RAP1B: variants seen among roughly 807,000 people sequenced by gnomAD.
The protein encoded by RAP1B is RAP1B, member of RAS oncogene family.
A neutral mutation model predicts 27.5 loss-of-function variants in RAP1B; 1 was observed. The observed-to-expected ratio is 0.04, with a 90% CI of 0.01 to 0.17. RAP1B has a LOEUF of 0.17. RAP1B is among the 10% of genes least tolerant of loss of function. The pLI, the probability that RAP1B is intolerant of heterozygous loss-of-function variation, is 1.00. For missense variants in RAP1B, 84 were observed against 214.8 expected, an observed-to-expected ratio of 0.39 and a Z score of 3.81; for synonymous variants, 75 against 73.1, an observed-to-expected ratio of 1.03 and a Z score of -0.13.
intron 1 of RAP1B, among the ~76,000 whole-genome samples, chr12:68,632,758 A>C (rs1177513111): frequency 6.6e-6 from 1 of 152,160 alleles, no homozygotes; most frequent in Non-Finnish European, 1.5e-5. Flanking sequence ...AAGATATAAG[A>C]TACTTAACTC....
In RAP1B at chr12:68,657,172, A is replaced by G; in HGVS notation, c.540A>G (p.Ser180=). ...PVPGKARKKS[S]CQLL ...CTGGGAAGGCTCGCAAAAAGTCATC[A>G]TGTCAGCTGCTTTAATATACTAAAT... The change falls in exon 7 of 8, where the codon TCA becomes TCG. Residue 180 remains serine (S), a synonymous_variant. Coordinates refer to ENST00000250559, the MANE Select transcript of RAP1B (RefSeq NM_001010942.3). The G allele has an allele frequency of 6.2e-7, 1 of 1,610,786 alleles. No homozygotes were observed. The highest frequency in any genetic ancestry group is 8.5e-7 in the Non-Finnish European group (1 of 1,177,004).
chr12:68,632,173 G>T, intron 1 of RAP1B, among the ~76,000 whole-genome samples: 1 of 132,328 alleles, frequency 7.6e-6, no homozygotes, highest in Non-Finnish European at 1.5e-5. Flanking sequence ...AGACTGTTTG[G>T]CTGTCACCCA....
Position 68,656,334 on chromosome 12 carries a change from G to C in RAP1B, c.353G>C (p.Cys118Ser), listed in dbSNP as rs1186338026. The part of the protein sequence containing the change: ...DVPMILVGNK[C>S]DLEDERVVGK... ...CCAATGATTCTTGTTGGTAATAAGT[G>C]TGACTTGGAAGATGAAAGAGTTGTA... The change falls in exon 6 of 8, where the codon TGT (cysteine) becomes TCT (serine). Residue 118 changes from cysteine (C) to serine (S), a missense_variant. Coordinates refer to ENST00000250559, the MANE Select transcript of RAP1B (RefSeq NM_001010942.3). The C allele has an allele frequency of 6.2e-7, 1 of 1,606,828 alleles. No homozygotes were observed. Among genetic ancestry groups the C allele is most frequent in the East Asian group, 2.2e-5 (1 of 44,726 alleles).
chr12:68,617,073 C>G (rs542288257), intron 1 of RAP1B, among the ~76,000 whole-genome samples: 4 of 152,102 alleles, frequency 2.6e-5, no homozygotes, highest in Non-Finnish European at 5.9e-5. Flanking sequence ...TTATAATTAT[C>G]TGTGTATTCT....
chr12:68,613,055 C>T (rs1870718834), intron 1 of RAP1B, among the ~76,000 whole-genome samples: 1 of 152,040 alleles, frequency 6.6e-6, no homozygotes, highest in Non-Finnish European at 1.5e-5. Context: ...TTGTATGGGG[C>T]ATGAAAATGA....
At chr12:68,623,901 G>C (rs1373478012) in intron 1 of RAP1B, among the ~76,000 whole-genome samples, 1 of 152,126 alleles carries the variant, frequency 6.6e-6, no homozygotes. Flanking sequence ...CACGCCAGTA[G>C]TCCCAGCTAC....
chr12:68,654,488 C>T (rs1338398142), intron 5 of RAP1B, among the ~76,000 whole-genome samples: 1 of 151,292 alleles, frequency 6.6e-6, no homozygotes, highest in Non-Finnish European at 1.5e-5. Context: ...ATGTTACACC[C>T]TTCCTTTTTT....
chr12:68,642,594 A>C (rs189127386), intron 1 of RAP1B: 9 of 1,030,494 alleles, frequency 8.7e-6, no homozygotes, highest in Non-Finnish European at 1.4e-5. Context: ...GCTTCGTTCA[A>C]GTCCTCAGTG....
chr12:68,648,766 T>G lies in RAP1B; in HGVS notation c.42T>G (p.Val14=), dbSNP rs1473389922. 3 of 1,612,092 alleles carry G rather than the reference T, an allele frequency of 1.9e-6. No homozygotes were observed. Among genetic ancestry groups the G allele is most frequent in the Non-Finnish European group, 2.5e-6 (3 of 1,179,540 alleles). ...TAGTCGTTCTTGGCTCAGGAGGCGT[T>G]GGAAAGTCTGCTTTGGTAAGTCATT... The part of the protein sequence containing the change: ...YKLVVLGSGG[V]GKSALTVQFV... Residue 14 remains valine (V), a synonymous_variant, in exon 2 of 8, where the codon GTT becomes GTG. Transcript: ENST00000250559.
intron 1 of RAP1B, among the ~76,000 whole-genome samples, chr12:68,646,446 C>T (rs1001987239): frequency 6.6e-6 from 1 of 152,112 alleles, no homozygotes; most frequent in Non-Finnish European, 1.5e-5. Flanking sequence ...CATGTGCCCA[C>T]CACCATGCCC....
chr12:68,654,357 G>GT lies in RAP1B; in HGVS notation c.324+105_324+106insT, dbSNP rs984753412. The GT allele has an allele frequency of 5.5e-5, 25 of 451,506 alleles. 5 individuals carry two copies. Among genetic ancestry groups the GT allele is most frequent in the Middle Eastern group, 8.9e-4 (2 of 2,250 alleles). The allele number at this position is 451,506 out of a possible 1,614,324, so 28.0% of individuals were successfully genotyped here. A position where few individuals can be genotyped will look rare whatever the true frequency, so the allele number is the denominator to read the frequency against. On this transcript the variant is annotated intron_variant, in intron 5 of 7. Transcript: ENST00000250559. ...AAAGCTTGTGTATTTTGGTTGGGGG[G>GT]GGGGTGTTGGTTTTTTTAAACTTTT...
intron 4 of RAP1B, among the ~76,000 whole-genome samples, 158 bp downstream of exon 4, chr12:68,652,209 G>T (rs1592464342): frequency 1.3e-5 from 2 of 152,314 alleles, no homozygotes; most frequent in South Asian, 2.1e-4. Flanking sequence ...ACTTCGGGAG[G>T]TCAAGGTTGC....
rs146186863 is a variant in RAP1B at position 68,666,299 on chromosome 12, T to G, written c.*7050T>G. On this transcript the variant is annotated 3_prime_UTR_variant, in exon 8 of 8. Coordinates refer to ENST00000250559, the MANE Select transcript of RAP1B (RefSeq NM_001010942.3). ...TCTTCTTTTTAATTGGATTCTCGTATGTTGATCTATTTCTATTGTTTTCTA... is the reference window on the plus strand; with the variant it reads ...TCTTCTTTTTAATTGGATTCTCGTAGGTTGATCTATTTCTATTGTTTTCTA... 18 of 152,384 alleles carry G rather than the reference T, an allele frequency of 1.2e-4. No individual in the cohort carries two copies. In the East Asian group the frequency reaches 3.5e-3, roughly 29 times the overall value. The allele number at this position is 152,384 out of a possible 1,614,324, so 9.4% of individuals were successfully genotyped here. A position where few individuals can be genotyped will look rare whatever the true frequency, so the allele number is the denominator to read the frequency against.
Position 68,664,964 on chromosome 12 carries a change from A to G in RAP1B, c.*5715A>G. On this transcript the variant is annotated 3_prime_UTR_variant, in exon 8 of 8. Coordinates refer to ENST00000250559, the MANE Select transcript of RAP1B (RefSeq NM_001010942.3). ...AGGTCAATGTCAGATTTCCTGAGCAAATCAACCAATAATGAAAAACTATGT... is the reference window on the plus strand; with the variant it reads ...AGGTCAATGTCAGATTTCCTGAGCAGATCAACCAATAATGAAAAACTATGT... The G allele has an allele frequency of 6.6e-6, 1 of 152,172 alleles. No homozygotes were observed. Among genetic ancestry groups the G allele is most frequent in the East Asian group, 1.9e-4 (1 of 5,190 alleles). 9.4% of individuals were successfully genotyped at this position (152,172 alleles called of 1,614,324 possible). A position where few individuals can be genotyped will look rare whatever the true frequency, so the allele number is the denominator to read the frequency against.
intron 1 of RAP1B, among the ~76,000 whole-genome samples, chr12:68,631,378 A>G (rs182417472): frequency 7.2e-5 from 11 of 152,250 alleles, no homozygotes; most frequent in Admixed American, 5.2e-4. Context: ...CCATGCCTAG[A>G]TGTATTGTTC....
At chr12:68,613,887 T>C (rs1324032483) in intron 1 of RAP1B, among the ~76,000 whole-genome samples, 1 of 152,252 alleles carries the variant, frequency 6.6e-6, no homozygotes, top group Non-Finnish European at 1.5e-5. Flanking sequence ...TTTCGTTTTA[T>C]CCTCAATCCT....
At chr12:68,614,674 T>A (rs1203205815) in intron 1 of RAP1B, among the ~76,000 whole-genome samples, 6 of 152,218 alleles carry the variant, frequency 3.9e-5, no homozygotes, top group Non-Finnish European at 8.8e-5. Flanking sequence ...CTTTTCAAAT[T>A]GAATTGAATT....
chr12:68,667,494 A>G lies in RAP1B; in HGVS notation c.*8245A>G, dbSNP rs771330312. On this transcript the variant is annotated 3_prime_UTR_variant, in exon 8 of 8. Coordinates refer to ENST00000250559, the MANE Select transcript of RAP1B (RefSeq NM_001010942.3). ...CAACCCAGTGGGTTTTGGGGTTTTT[A>G]TATGTGTTAGTACATTCAGCGTTAG... 2.0e-5 allele frequency: 3 copies of G among 152,178 alleles called. No individual in the cohort carries two copies. The highest frequency in any genetic ancestry group is 4.4e-5 in the Non-Finnish European group (3 of 68,022). 9.4% of individuals were successfully genotyped at this position (152,178 alleles called of 1,614,324 possible).
At chr12:68,652,989 T>A (rs1266583488) in intron 4 of RAP1B, among the ~76,000 whole-genome samples, 1 of 152,052 alleles carries the variant, frequency 6.6e-6, no homozygotes, top group African/African-American at 2.4e-5. Context: ...GGGGGGTGGA[T>A]CACCTGAGGT....
Sources: allele counts gnomAD v4.1 joint callset (sites outside exome capture counted in the v4.1 genomes callset), GRCh38; gene constraint gnomAD v4.1.1; transcripts MANE v1.5; gene names NCBI Gene and HGNC (gene_info 2026-07-23, HGNC 2026-07-21).